PLCB4: variants seen among roughly 807,000 people sequenced by gnomAD.
PLCB4 encodes phospholipase C beta 4.
Under a neutral mutation model 178.8 loss-of-function variants are expected in PLCB4, and 77 were observed. That is an observed-to-expected ratio of 0.43 (90% CI 0.36 to 0.52). The LOEUF is 0.52. Ranked by LOEUF, PLCB4 falls within the 20% of genes least tolerant of loss-of-function variation. The probability of loss-of-function intolerance (pLI) is 0.00; values close to 1 mark genes in which losing one functional copy is unlikely to be tolerated. For missense variants in PLCB4, 1,024 were observed against 1,453.4 expected (o/e 0.70, Z 4.80); for synonymous variants, 496 against 490.8 (o/e 1.01, Z -0.14).
At chr20:9,180,458 A>G (rs975690562) in intron 2 of PLCB4, among the ~76,000 whole-genome samples, 1 of 152,218 alleles carries the variant, frequency 6.6e-6, no homozygotes, top group South Asian at 2.1e-4. Flanking sequence ...GTTAGTGATC[A>G]TATGGGATTG....
In PLCB4 at chr20:9,161,802, C is replaced by T. The variant is rs562467538; in HGVS notation, c.-78-55588C>T. ...AACTTGAAAGGTAACTGCTTTTTCA[C>T]TTTTTAGATTCTACAAAAAAGAGTG... On this transcript the variant is annotated intron_variant, in intron 2 of 39. Transcript: ENST00000378473. 3.3e-5 allele frequency among the ~76,000 whole-genome samples: 5 copies of T among 152,150 alleles called. No homozygotes were observed. The South Asian group carries it at 1.0e-3, about 32-fold the overall frequency.
At chr20:9,197,893 G>A (rs1201786726) in intron 2 of PLCB4, among the ~76,000 whole-genome samples, 2 of 151,962 alleles carry the variant, frequency 1.3e-5, no homozygotes, top group Non-Finnish European at 2.9e-5. Context: ...GAGAATTGCT[G>A]GAACCTGGGA....
At chr20:9,089,932 T>C (rs532050206) in intron 1 of PLCB4, among the ~76,000 whole-genome samples, 1 of 152,332 alleles carries the variant, frequency 6.6e-6, no homozygotes, top group East Asian at 1.9e-4. Flanking sequence ...GAGATGCTTT[T>C]GTCCTACTTT....
chr20:9,135,569 C>G (rs1473462874), intron 2 of PLCB4, among the ~76,000 whole-genome samples: 1 of 151,846 alleles, frequency 6.6e-6, no homozygotes, highest in African/African-American at 2.4e-5. Flanking sequence ...TTCTAATTTC[C>G]CCACCTTGAT....
chr20:9,229,079 C>G lies in PLCB4; in HGVS notation c.-16+11627C>G, dbSNP rs530066452. On this transcript the variant is annotated intron_variant, in intron 3 of 39. Coordinates refer to ENST00000378473, the MANE Select transcript of PLCB4 (RefSeq NM_001377142.1). ...CCATGCTCTTAGAGAGTGCCTAAGA[C>G]ATTGTGAGAGTTTAATAAATGATAG... is the stretch of plus-strand genomic sequence containing the variant. 8.5e-5 allele frequency among the ~76,000 whole-genome samples: 13 copies of G among 152,280 alleles called. No individual in the cohort carries two copies. In the South Asian group the frequency reaches 2.7e-3, roughly 32 times the overall value.
Position 9,339,011 on chromosome 20 carries a change from G to T in PLCB4, c.343G>T (p.Val115Leu). 1 of 1,613,348 alleles carries T rather than the reference G, an allele frequency of 6.2e-7. No individual in the cohort carries two copies. Among genetic ancestry groups the T allele is most frequent in the Non-Finnish European group, 8.5e-7 (1 of 1,179,516 alleles). ...AGTGAACATTAGTTTTACCTACATGGTGGCTGAAAATCCAGAAGTAACTAA... is the reference window on the plus strand; with the variant it reads ...AGTGAACATTAGTTTTACCTACATGTTGGCTGAAAATCCAGAAGTAACTAA... ...DLVNISFTYM[V>L]AENPEVTKQW... The change falls in exon 7 of 40, where the codon GTG becomes TTG. Residue 115 changes from valine to leucine, a missense_variant. Physicochemically the swap from Val to Leu is conservative, Grantham distance 32. This residue lies in a region of PLCB4 where 225 missense variants were observed against 291.0 expected (regional missense o/e 0.77). Transcript: ENST00000378473.
intron 28 of PLCB4, among the ~76,000 whole-genome samples, chr20:9,429,882 C>A (rs1457099959): frequency 6.6e-6 from 1 of 152,178 alleles, no homozygotes; most frequent in Non-Finnish European, 1.5e-5. Flanking sequence ...AAATGCCATT[C>A]TTCTGCATTG....
intron 7 of PLCB4, among the ~76,000 whole-genome samples, chr20:9,361,238 C>A (rs183673578): frequency 6.6e-6 from 1 of 152,128 alleles, no homozygotes; most frequent in Non-Finnish European, 1.5e-5. Context: ...AGCAGACATG[C>A]AATTCACAAT....
chr20:9,231,056 A>ATG (rs1323114948), intron 3 of PLCB4, among the ~76,000 whole-genome samples: 1 of 152,198 alleles, frequency 6.6e-6, no homozygotes, highest in African/African-American at 2.4e-5. Context: ...GTATTTATTT[A>ATG]TGGGTGGTAC....
intron 4 of PLCB4, among the ~76,000 whole-genome samples, chr20:9,311,431 A>G (rs1159579203): frequency 6.6e-6 from 1 of 152,180 alleles, no homozygotes; most frequent in East Asian, 1.9e-4. Flanking sequence ...CAACTTTAAG[A>G]TTAAAAATCG....
In PLCB4 at chr20:9,480,161, A is replaced by G. The variant is rs2044794610; in HGVS notation, c.*1152A>G. 2 of 152,632 alleles carry G rather than the reference A, an allele frequency of 1.3e-5. No individual in the cohort carries two copies. Among genetic ancestry groups the G allele is most frequent in the Non-Finnish European group, 2.9e-5 (2 of 68,038 alleles). The allele number at this position is 152,632 out of a possible 1,614,324, so 9.5% of individuals were successfully genotyped here. A position where few individuals can be genotyped will look rare whatever the true frequency, so the allele number is the denominator to read the frequency against. On this transcript the variant is annotated 3_prime_UTR_variant, in exon 40 of 40. Coordinates refer to ENST00000378473, the MANE Select transcript of PLCB4 (RefSeq NM_001377142.1). ...AGGAAATGACCTTTTTATGTCTGTT[A>G]AATATCAAAACAATTTGCTACAGTG...
chr20:9,265,144 G>A (rs1016414612), intron 3 of PLCB4, among the ~76,000 whole-genome samples: 6 of 152,126 alleles, frequency 3.9e-5, no homozygotes, highest in Non-Finnish European at 5.9e-5. Context: ...CAGTGTTGTA[G>A]TATTAGGGAC....
At chr20:9,234,424 TG>T (rs2147369735) in intron 3 of PLCB4, among the ~76,000 whole-genome samples, 1 of 151,978 alleles carries the variant, frequency 6.6e-6, no homozygotes, top group African/African-American at 2.4e-5. Context: ...TACATAGAGG[TG>T]GGTCACTCAA....
chr20:9,371,145 G>A (rs527761957), intron 9 of PLCB4, 69 bp from the exon 10 acceptor site: 2 of 977,738 alleles, frequency 2.0e-6, no homozygotes, highest in South Asian at 2.6e-5. Flanking sequence ...AGTAGGACCT[G>A]GATCTTTGCA....
intron 2 of PLCB4, among the ~76,000 whole-genome samples, chr20:9,141,923 G>A (rs1032757566): frequency 2.0e-5 from 3 of 152,046 alleles, no homozygotes; most frequent in Non-Finnish European, 2.9e-5. Flanking sequence ...GTTAAAGTGT[G>A]AGAAGGAGCA....
chr20:9,095,496 G>A lies in PLCB4; in HGVS notation c.-134-791G>A, dbSNP rs113675864. Among the ~76,000 whole-genome samples the A allele has an allele frequency of 3.7e-3, 566 of 152,164 alleles. 4 individuals are homozygous for A. The highest frequency in any genetic ancestry group is 4.6e-3 in the South Asian group (22 of 4,806). ...TGGGTCATTTTAATTAGATTTGACCGGAAACAGTTTATAGTAGTGGATGAT... is the reference window on the plus strand; with the variant it reads ...TGGGTCATTTTAATTAGATTTGACCAGAAACAGTTTATAGTAGTGGATGAT... On this transcript the variant is annotated intron_variant, in intron 1 of 39. Transcript: ENST00000378473.
intron 2 of PLCB4, among the ~76,000 whole-genome samples, chr20:9,195,675 A>G (rs1386867694): frequency 1.3e-5 from 2 of 152,016 alleles, no homozygotes; most frequent in African/African-American, 2.4e-5. Flanking sequence ...CTGACCTCCT[A>G]TCTCAGGCCT....
At chr20:9,338,355 A>C (rs1384845438) in intron 6 of PLCB4, among the ~76,000 whole-genome samples, 1 of 152,094 alleles carries the variant, frequency 6.6e-6, no homozygotes, top group Non-Finnish European at 1.5e-5. Context: ...ACTACAATCA[A>C]AACTCTAAAC....
chr20:9,223,912 G>T (rs896860560), intron 3 of PLCB4, among the ~76,000 whole-genome samples: 4 of 152,172 alleles, frequency 2.6e-5, no homozygotes, highest in Non-Finnish European at 5.9e-5. Flanking sequence ...GTACAGCATG[G>T]ATAAGCTAGA....
Sources: allele counts gnomAD v4.1 joint callset (sites outside exome capture counted in the v4.1 genomes callset), GRCh38; gene constraint gnomAD v4.1.1; regional missense constraint gnomAD v4.1.1; transcripts MANE v1.5; gene names NCBI Gene and HGNC (gene_info 2026-07-23, HGNC 2026-07-21).